Variants in PPP1R12C observed in about 807,000 individuals in gnomAD.
PPP1R12C encodes the protein protein phosphatase 1 regulatory subunit 12C.
Under a neutral mutation model 95.6 loss-of-function variants are expected in PPP1R12C, and 48 were observed. The observed-to-expected ratio is 0.50, with a 90% CI of 0.40 to 0.64. The LOEUF is 0.64. PPP1R12C is among the 30% of genes least tolerant of loss of function. The pLI is 0.00. For missense variants in PPP1R12C, 1,057 were observed against 1,083.3 expected, an observed-to-expected ratio of 0.98 and a Z score of 0.34; for synonymous variants, 480 against 460.8, an observed-to-expected ratio of 1.04 and a Z score of -0.53.
In PPP1R12C at chr19:55,095,576, G is replaced by T. The variant is rs35849605; in HGVS notation, c.1255C>A (p.Arg419Ser). 6.3e-6 allele frequency: 10 copies of T among 1,576,938 alleles called. No homozygotes were observed. The highest frequency in any genetic ancestry group is 1.7e-4 in the Middle Eastern group (1 of 5,872). The change falls in exon 10 of 22, where the codon CGC becomes AGC. Residue 419 changes from arginine to serine, a missense_variant. Around this residue, in one of 5 missense-constraint regions of PPP1R12C, gnomAD observed 356 missense variants for 330.5 expected, o/e 1.08. Coordinates refer to ENST00000263433, the MANE Select transcript of PPP1R12C (RefSeq NM_017607.4). ...VQLEEAPFSR[R>S]FGLLKTGSSG... The stretch of plus-strand genomic sequence containing the variant: ...CTCCCTGTCTTCAGGAGGCCAAAGC[G>T]CCTGGAGAAGGGGGCCTCTTCAAGC...
rs768764037 is a variant in PPP1R12C, at chr19:55,117,339, G to C, written c.205C>G (p.Leu69Val). ...CAGGDLDEAR[L>V]MLRAADPGPG... ...CCAGGGTCGGCGGCGCGCAGCATCA[G>C]ACGCGCCTCGTCCAGGTCGCCGCCC... The change falls in exon 1 of 22, where the codon CTG becomes GTG. Residue 69 changes from leucine (L) to valine (V), a missense_variant. This residue lies in a region of PPP1R12C where 282 missense variants were observed against 380.4 expected (regional missense o/e 0.74). Coordinates refer to ENST00000263433, the MANE Select transcript of PPP1R12C (RefSeq NM_017607.4). The C allele has an allele frequency of 1.2e-5, 14 of 1,158,812 alleles. No homozygotes were observed. In the South Asian group the frequency reaches 4.9e-4, roughly 41 times the overall value. The allele number at this position is 1,158,812 out of a possible 1,614,324, so 71.8% of individuals were successfully genotyped here. A position where few individuals can be genotyped will look rare whatever the true frequency, so the allele number is the denominator to read the frequency against.
chr19:55,095,282 G>A lies in PPP1R12C; in HGVS notation c.1454+9C>T. 1 of 1,566,810 alleles carries A rather than the reference G, an allele frequency of 6.4e-7. No individual in the cohort carries two copies. The highest frequency in any genetic ancestry group is 2.4e-5 in the East Asian group (1 of 41,988). On this transcript the variant is annotated intron_variant, in intron 11 of 21. Transcript: ENST00000263433. ...CCACCCCTGAGGGGCCCAGGCCCTG[G>A]GGACTCACAGGACAGAGGGCTCCGG...
rs1455822068 is a variant in PPP1R12C at position 55,112,668 on chromosome 19, G to A, written c.449C>T (p.Ala150Val). The A allele has an allele frequency of 6.2e-7, 1 of 1,613,624 alleles. No homozygotes were observed. The highest frequency in any genetic ancestry group is 1.3e-5 in the African/African-American group (1 of 74,888). The change falls in exon 2 of 22, where the codon GCC becomes GTC. Residue 150 changes from alanine (A) to valine (V), a missense_variant. This residue lies in a region of PPP1R12C where 282 missense variants were observed against 380.4 expected (regional missense o/e 0.74). Transcript: ENST00000263433. ...GCCCGGCCCTCCCTTGCCTCACCTG[G>A]CGATATCTAGGTAGCCACAGGAGGC... ...VAASCGYLDI[A>V]RYLLSHGANI...
intron 3 of PPP1R12C, 122 bp from the exon 4 acceptor site, chr19:55,103,690 C>T (rs548892787): frequency 2.1e-6 from 2 of 954,000 alleles, no homozygotes; most frequent in Admixed American, 3.7e-5. Context: ...CCCTGCTCCC[C>T]TCTGAGACTC....
intron 1 of PPP1R12C, chr19:55,113,145 G>A (rs1034891190): frequency 9.7e-6 from 5 of 515,596 alleles, no homozygotes; most frequent in African/African-American, 9.5e-5. Context: ...GGCGCTTCCA[G>A]TGCTCAGACT....
Position 55,109,745 on chromosome 19 carries a change from C to T in PPP1R12C, c.571+2722G>A, listed in dbSNP as rs1455991667. Among the ~76,000 whole-genome samples, 1 of 152,222 alleles carries T rather than the reference C, an allele frequency of 6.6e-6. No homozygotes were observed. The highest frequency in any genetic ancestry group is 2.4e-5 in the African/African-American group (1 of 41,460). ...CTCGGGGAATTCTGCATCATGTGGG[C>T]GTGTCCTGCAGGGGGTGCAAAAGAC... On this transcript the variant is annotated intron_variant, in intron 3 of 21. Transcript: ENST00000263433. This position sits in a 1 kb window ranked among gnomAD's most constrained non-coding sequence, Gnocchi z 4.4.
chr19:55,092,425 G>A lies in PPP1R12C; in HGVS notation c.2055+17C>T, dbSNP rs2084854820. The A allele has an allele frequency of 6.3e-7, 1 of 1,598,138 alleles. No individual in the cohort carries two copies. Among genetic ancestry groups the A allele is most frequent in the East Asian group, 2.3e-5 (1 of 44,148 alleles). On this transcript the variant is annotated intron_variant, in intron 18 of 21. Coordinates refer to ENST00000263433, the MANE Select transcript of PPP1R12C (RefSeq NM_017607.4). ...GCACCCAGCAGGCAAAGCCCCGACG[G>A]AGGGGTGGGATCGCACCGTCCTAAA...
chr19:55,104,199 T>TATATACACAC (rs34075382), intron 3 of PPP1R12C, among the ~76,000 whole-genome samples: 7 of 120,054 alleles, frequency 5.8e-5, no homozygotes, highest in African/African-American at 2.6e-4. Flanking sequence ...TATATATATA[T>TATATACACAC]ACACACACAC....
intron 1 of PPP1R12C, 176 bp from the exon 2 acceptor site, chr19:55,112,971 G>C: frequency 1.1e-6 from 1 of 871,692 alleles, no homozygotes; most frequent in East Asian, 2.6e-5. Context: ...TTGCCCAGTG[G>C]TCAGGCCGGC....
chr19:55,099,802 G>A lies in PPP1R12C; in HGVS notation c.732-707C>T, dbSNP rs115150298. On this transcript the variant is annotated intron_variant, in intron 4 of 21. Coordinates refer to ENST00000263433, the MANE Select transcript of PPP1R12C (RefSeq NM_017607.4). ...AACCACCTTAAACCATTCAATCTGA[G>A]GGCAAAGGCAGGGTTACAAGTCCAA... Among the ~76,000 whole-genome samples, 839 of 152,316 alleles carry A rather than the reference G, an allele frequency of 5.5e-3. 7 individuals are homozygous for A. Among genetic ancestry groups the A allele is most frequent in the African/African-American group, 0.019 (794 of 41,562 alleles).
At chr19:55,092,695 T>A (rs757970203) in intron 16 of PPP1R12C, 33 bp from the exon 17 acceptor site, 1 of 1,530,552 alleles carries the variant, frequency 6.5e-7, no homozygotes, top group African/African-American at 1.4e-5. Context: ...TCAATGGGTA[T>A]GGGAGGGACT....
chr19:55,092,394 A>C, intron 18 of PPP1R12C, 48 bp downstream of exon 18: 5 of 1,574,754 alleles, frequency 3.2e-6, no homozygotes, highest in African/African-American at 1.3e-5. Flanking sequence ...GAAGCCAGGA[A>C]GCTGGGCACC....
chr19:55,099,340 G>A (rs561276779), intron 4 of PPP1R12C, among the ~76,000 whole-genome samples: 10 of 152,336 alleles, frequency 6.6e-5, no homozygotes, highest in South Asian at 4.1e-4. Flanking sequence ...TCTGGAACCT[G>A]CTCCTGGTGC....
chr19:55,112,956 C>A, intron 1 of PPP1R12C, 161 bp from the exon 2 acceptor site: 1 of 1,030,292 alleles, frequency 9.7e-7, no homozygotes. Context: ...TTAAGATACG[C>A]CTGGTTGCCC....
chr19:55,104,519 G>A, intron 3 of PPP1R12C, among the ~76,000 whole-genome samples: 1 of 151,414 alleles, frequency 6.6e-6, no homozygotes, highest in African/African-American at 2.4e-5. Flanking sequence ...CCTGCCCAAC[G>A]TGTTGAAACC....
At chr19:55,114,973 G>A (rs1383857165) in intron 1 of PPP1R12C, 2 of 152,366 alleles carry the variant, frequency 1.3e-5, no homozygotes, top group Non-Finnish European at 2.9e-5. Context: ...AGGAGAGCCA[G>A]GGGCATGAGA....
In PPP1R12C at chr19:55,096,332, G is replaced by C; in HGVS notation, c.955C>G (p.Arg319Gly). The C allele has an allele frequency of 1.2e-6, 2 of 1,613,370 alleles. No individual in the cohort carries two copies. Among genetic ancestry groups the C allele is most frequent in the Non-Finnish European group, 1.7e-6 (2 of 1,179,840 alleles). The change falls in exon 7 of 22, where the codon CGG becomes GGG. Residue 319 changes from arginine to glycine, a missense_variant. Transcript: ENST00000263433. ...CTCTGGGAAGCTTCTTTTTGGTTCCGAAGCTGCAAGGAGGGAAGGGGGCTG... is the reference window on the plus strand; with the variant it reads ...CTCTGGGAAGCTTCTTTTTGGTTCCCAAGCTGCAAGGAGGGAAGGGGGCTG... Reference protein sequence around the residue: ...EELARKQEDLRNQKEASQSRG... With the variant: ...EELARKQEDLGNQKEASQSRG...
chr19:55,102,567 T>C (rs988319299), intron 4 of PPP1R12C, among the ~76,000 whole-genome samples: 29 of 152,192 alleles, frequency 1.9e-4, no homozygotes, highest in Non-Finnish European at 8.8e-5. Context: ...TTAAAATATA[T>C]ACAAATTGTA....
At chr19:55,111,198 C>T (rs1486022846) in intron 3 of PPP1R12C, among the ~76,000 whole-genome samples, 3 of 144,324 alleles carry the variant, frequency 2.1e-5, no homozygotes, top group African/African-American at 5.2e-5. Context: ...TGCAGGGTTT[C>T]GTTGGGGGAT....
Sources: allele counts gnomAD v4.1 joint callset (sites outside exome capture counted in the v4.1 genomes callset), GRCh38; gene constraint gnomAD v4.1.1; regional missense constraint gnomAD v4.1.1; non-coding constraint Gnocchi (gnomAD v3.1); transcripts MANE v1.5; gene names NCBI Gene and HGNC (gene_info 2026-07-23, HGNC 2026-07-21).